Variants in GPAT3 observed in about 807,000 individuals in gnomAD.
The protein encoded by GPAT3 is 1-AGP acyltransferase 9.
In GPAT3, 53 loss-of-function variants were observed where a neutral mutation model predicts 58.8. The observed-to-expected ratio is 0.90, with a 90% CI of 0.72 to 1.13. The LOEUF is 1.13. Among genes scored for constraint, GPAT3 ranks in the 50% most tolerant of loss-of-function variants. The pLI is 0.00. For missense variants in GPAT3, 511 were observed against 527.6 expected (o/e 0.97, Z 0.31); for synonymous variants, 197 against 187.4 (o/e 1.05, Z -0.42).
chr4:83,543,159 G>C (rs1317584096), intron 1 of GPAT3, among the ~76,000 whole-genome samples: 1 of 152,048 alleles, frequency 6.6e-6, no homozygotes, highest in Non-Finnish European at 1.5e-5. Context: ...AATTAGCTGG[G>C]AATGATGATG....
At chr4:83,559,003 G>A (rs1725035985) in intron 2 of GPAT3, among the ~76,000 whole-genome samples, 2 of 152,126 alleles carry the variant, frequency 1.3e-5, no homozygotes, top group South Asian at 4.1e-4. Context: ...GGCTTAAATG[G>A]AAATAAAAGA....
chr4:83,549,810 C>T (rs1191134303), intron 2 of GPAT3, among the ~76,000 whole-genome samples: 1 of 151,746 alleles, frequency 6.6e-6, no homozygotes, highest in African/African-American at 2.4e-5. Flanking sequence ...GAAACCTCTG[C>T]CTCCTGGGTT....
chr4:83,578,841 T>A (rs528239221), intron 2 of GPAT3, among the ~76,000 whole-genome samples: 125 of 151,948 alleles, frequency 8.2e-4, no homozygotes, highest in African/African-American at 2.9e-3. Context: ...CTAATAATCA[T>A]TCAAGAACTT....
Position 83,587,279 on chromosome 4 carries a change from C to T in GPAT3, c.504C>T (p.Ile168=), listed in dbSNP as rs1297350531. Residue 168 remains isoleucine (I), a synonymous_variant, in exon 4 of 12, where the codon ATC becomes ATT. Coordinates refer to ENST00000264409, the MANE Select transcript of GPAT3 (RefSeq NM_032717.5). ...PLRVTLAFIG[I]SLLVIGTTLV... ...GGGTTACCTTGGCTTTCATTGGGAT[C>T]AGTTTGCTGGTTATAGGAACTACAC... 6.2e-7 allele frequency: 1 copy of T among 1,613,770 alleles called. No individual in the cohort carries two copies. Among genetic ancestry groups the T allele is most frequent in the Non-Finnish European group, 8.5e-7 (1 of 1,179,902 alleles).
intron 2 of GPAT3, among the ~76,000 whole-genome samples, chr4:83,562,062 CAG>C (rs1725144784): frequency 6.7e-6 from 1 of 149,716 alleles, no homozygotes; most frequent in African/African-American, 2.5e-5. Flanking sequence ...TGTGAAAACT[CAG>C]AATGATTTCA....
chr4:83,604,868 T>C lies in GPAT3; in HGVS notation c.*101T>C. On this transcript the variant is annotated 3_prime_UTR_variant, in exon 12 of 12. Transcript: ENST00000264409. ...ATTGTTTTGTTTTTATTATTGTTAA[T>C]CTTTTCTACAGAATGATTGTCTCTA... 2.0e-6 allele frequency: 2 copies of C among 980,712 alleles called. No homozygotes were observed. The highest frequency in any genetic ancestry group is 3.3e-5 in the South Asian group (2 of 60,070). 60.8% of individuals were successfully genotyped at this position (980,712 alleles called of 1,614,324 possible).
At chr4:83,548,717 C>T (rs539881992) in intron 2 of GPAT3, among the ~76,000 whole-genome samples, 89 of 152,228 alleles carry the variant, frequency 5.8e-4, no homozygotes, top group African/African-American at 1.9e-3. Flanking sequence ...CCTGCTCCAG[C>T]GGCACCACAC....
chr4:83,558,409 A>G (rs146276040), intron 2 of GPAT3, among the ~76,000 whole-genome samples: 193 of 152,358 alleles, frequency 1.3e-3, no homozygotes, highest in African/African-American at 4.3e-3. Context: ...AAGGCAAAAC[A>G]GAACCTAAAA....
chr4:83,567,689 T>G (rs1490006050), intron 2 of GPAT3, among the ~76,000 whole-genome samples: 2 of 152,130 alleles, frequency 1.3e-5, no homozygotes, highest in Non-Finnish European at 2.9e-5. Context: ...TCCTAGCACT[T>G]TGGGAGGCTG....
At chr4:83,553,876 C>CA (rs1448383669) in intron 2 of GPAT3, among the ~76,000 whole-genome samples, 4 of 150,056 alleles carry the variant, frequency 2.7e-5, no homozygotes, top group African/African-American at 9.8e-5. Context: ...GACCCTGTCT[C>CA]AAAAAATAAA....
chr4:83,575,320 G>C (rs1049990799), intron 2 of GPAT3, among the ~76,000 whole-genome samples: 2 of 152,072 alleles, frequency 1.3e-5, no homozygotes, highest in African/African-American at 2.4e-5. Flanking sequence ...AGGTAAATTG[G>C]ATCTGTAACT....
At chr4:83,583,249 G>A (rs905837744) in intron 3 of GPAT3, among the ~76,000 whole-genome samples, 7 of 151,332 alleles carry the variant, frequency 4.6e-5, no homozygotes, top group Admixed American at 3.3e-4. Context: ...AGCTGTGATC[G>A]TGCCACTGCA....
At chr4:83,597,661 C>A in intron 9 of GPAT3, 146 bp downstream of exon 9, 1 of 567,560 alleles carries the variant, frequency 1.8e-6, no homozygotes, top group Non-Finnish European at 3.0e-6. Context: ...TTTGCCTCCC[C>A]TGCTTTCTCA....
chr4:83,543,841 A>G (rs774229860), intron 1 of GPAT3, among the ~76,000 whole-genome samples: 27 of 152,102 alleles, frequency 1.8e-4, no homozygotes, highest in Non-Finnish European at 1.6e-4. Flanking sequence ...GGGTTTCGCC[A>G]TGTTGGCCAG....
At chr4:83,583,083 A>T (rs563741537) in intron 3 of GPAT3, among the ~76,000 whole-genome samples, 1 of 151,824 alleles carries the variant, frequency 6.6e-6, no homozygotes, top group Admixed American at 6.6e-5. Context: ...GGATCACAAG[A>T]TCAAGAGATC....
intron 8 of GPAT3, 152 bp downstream of exon 8, chr4:83,597,065 C>T (rs1406740913): frequency 1.4e-6 from 1 of 696,492 alleles, no homozygotes; most frequent in Non-Finnish European, 2.4e-6. Context: ...TAATTCCTTG[C>T]TTTCTTTTGA....
chr4:83,598,869 A>G (rs1313725231), intron 11 of GPAT3, 146 bp downstream of exon 11: 5 of 590,188 alleles, frequency 8.5e-6, no homozygotes, highest in Non-Finnish European at 1.4e-5. Flanking sequence ...AGTTCACTGT[A>G]GCCTTGACCG....
intron 2 of GPAT3, among the ~76,000 whole-genome samples, chr4:83,576,658 G>A (rs1725832472): frequency 6.6e-6 from 1 of 151,972 alleles, no homozygotes; most frequent in South Asian, 2.1e-4. Flanking sequence ...TGGCCAGGCT[G>A]GTCTCGAACT....
At chr4:83,574,593 C>T (rs1725717333) in intron 2 of GPAT3, among the ~76,000 whole-genome samples, 1 of 125,760 alleles carries the variant, frequency 8.0e-6, no homozygotes, top group Non-Finnish European at 1.6e-5. Context: ...ATGGCTTTAC[C>T]CTTTTAAAGC....
Sources: allele counts gnomAD v4.1 joint callset (sites outside exome capture counted in the v4.1 genomes callset), GRCh38; gene constraint gnomAD v4.1.1; transcripts MANE v1.5; gene names NCBI Gene and HGNC (gene_info 2026-07-23, HGNC 2026-07-21).